CLIC5: variants seen among roughly 807,000 people sequenced by gnomAD.
CLIC5 encodes the protein CLIC family member 5.
In CLIC5, 20 loss-of-function variants were observed where a neutral mutation model predicts 24.7. The observed-to-expected ratio is 0.81, with a 90% CI of 0.57 to 1.18. CLIC5 has a LOEUF of 1.18. Ranked by LOEUF, CLIC5 falls within the 50% of genes most tolerant of loss-of-function variation. The pLI, the probability that CLIC5 is intolerant of heterozygous loss-of-function variation, is 0.00. For synonymous variants in CLIC5, 159 were observed against 135.6 expected (o/e 1.17, Z -1.20); for missense variants, 341 against 326.1 (o/e 1.05, Z -0.35).
At chr6:45,951,654 G>T (rs1434945400) in intron 2 of CLIC5, among the ~76,000 whole-genome samples, 1 of 152,200 alleles carries the variant, frequency 6.6e-6, no homozygotes, top group Non-Finnish European at 1.5e-5. Context: ...TAGGGAAGAG[G>T]AGGGAAAATG....
At chr6:46,072,797 GAGTACCC>G (rs1349788905) in intron 1 of CLIC5, among the ~76,000 whole-genome samples, 2 of 152,164 alleles carry the variant, frequency 1.3e-5, no homozygotes, top group Non-Finnish European at 2.9e-5. Context: ...CACAAGGTGT[GAGTACCC>G]AGGCAGGGAA....
intron 1 of CLIC5, among the ~76,000 whole-genome samples, chr6:46,026,114 A>T (rs149762370): frequency 2.6e-5 from 4 of 152,308 alleles, no homozygotes; most frequent in African/African-American, 9.6e-5. Flanking sequence ...TTTGAGCAAC[A>T]TAAGAAATTA....
intron 1 of CLIC5, among the ~76,000 whole-genome samples, chr6:46,069,151 T>C (rs1762519955): frequency 6.6e-6 from 1 of 152,104 alleles, no homozygotes; most frequent in African/African-American, 2.4e-5. Context: ...TGAATGTTTT[T>C]AAGACACAGG....
chr6:45,891,277 TA>T lies in CLIC5; in HGVS notation c.624-10090del, dbSNP rs994181867. 7.2e-5 allele frequency among the ~76,000 whole-genome samples: 11 copies of T among 152,348 alleles called. No homozygotes were observed. In the East Asian group the frequency reaches 2.1e-3, roughly 29 times the overall value. The stretch of plus-strand genomic sequence containing the variant: ...GAACATACAAAACACATTCTGCTTC[TA>T]TTTTTTATAAAATAAATAAGATGTA... On this transcript the variant is annotated intron_variant, in intron 6 of 6. Transcript: ENST00000644324.
At chr6:46,037,140 C>T (rs1251622936) in intron 1 of CLIC5, among the ~76,000 whole-genome samples, 2 of 152,138 alleles carry the variant, frequency 1.3e-5, no homozygotes, top group Non-Finnish European at 2.9e-5. Flanking sequence ...ATAAGAAGGA[C>T]ATCACTGTCA....
At chr6:46,084,582 A>T (rs1255125374), upstream of CLIC5, among the ~76,000 whole-genome samples, 1 of 152,270 alleles carries the variant, frequency 6.6e-6, no homozygotes, top group Admixed American at 6.5e-5. Context: ...TCTTTCCTTT[A>T]AGAATGTTGA....
At chr6:46,051,309 A>G (rs1581900982) in intron 1 of CLIC5, among the ~76,000 whole-genome samples, 1 of 152,162 alleles carries the variant, frequency 6.6e-6, no homozygotes, top group East Asian at 1.9e-4. Context: ...TTGCTAGCAC[A>G]ATTATCTCAG....
chr6:46,070,286 C>A (rs543540058), intron 1 of CLIC5, among the ~76,000 whole-genome samples: 31 of 152,134 alleles, frequency 2.0e-4, no homozygotes, highest in African/African-American at 7.5e-4. Flanking sequence ...TCAAACTATC[C>A]CTGTTTGTAG....
intron 1 of CLIC5, among the ~76,000 whole-genome samples, chr6:45,998,108 A>G (rs1258540620): frequency 6.6e-6 from 1 of 152,222 alleles, no homozygotes; most frequent in East Asian, 1.9e-4. Context: ...CTGGGGCTTC[A>G]CAGAATGGCT....
the CLIC5 span, chr6:46,102,650 C>A: frequency 6.5e-6 from 1 of 152,736 alleles, no homozygotes; most frequent in African/African-American, 2.4e-5. Context: ...TGCCAGCTGA[C>A]TCCAGCCATC....
chr6:45,978,382 T>G lies in CLIC5; in HGVS notation c.64-23138A>C, dbSNP rs964426813. Among the ~76,000 whole-genome samples the G allele has an allele frequency of 5.9e-5, 9 of 152,308 alleles. No individual in the cohort carries two copies. In the South Asian group the frequency reaches 1.9e-3, roughly 32 times the overall value. On this transcript the variant is annotated intron_variant, in intron 1 of 5. Transcript: ENST00000339561. ...TGATTCCTGAGCAGGAATCGTAAGC[T>G]TTCCAATAAAAATATATGTGGGGAT...
chr6:46,010,309 CA>C (rs971740845), intron 1 of CLIC5, among the ~76,000 whole-genome samples: 37 of 152,258 alleles, frequency 2.4e-4, no homozygotes, highest in African/African-American at 8.2e-4. Context: ...GATCCATACT[CA>C]GCTTGAAATG....
At chr6:46,114,597 T>C in the CLIC5 span, among the ~76,000 whole-genome samples, 1 of 152,188 alleles carries the variant, frequency 6.6e-6, no homozygotes, top group Non-Finnish European at 1.5e-5. Flanking sequence ...GTGTTTCAGG[T>C]GGTCTCTGGC....
chr6:46,008,099 T>C (rs1438248390), intron 1 of CLIC5, among the ~76,000 whole-genome samples: 1 of 152,078 alleles, frequency 6.6e-6, no homozygotes, highest in Non-Finnish European at 1.5e-5. Flanking sequence ...ATAACCCAAG[T>C]CAATCTCCTA....
At chr6:46,090,117 T>A in the CLIC5 span, among the ~76,000 whole-genome samples, 1 of 152,278 alleles carries the variant, frequency 6.6e-6, no homozygotes, top group African/African-American at 2.4e-5. Flanking sequence ...TATAAAAAAG[T>A]AGGTCTGTAG....
intron 4 of CLIC5, among the ~76,000 whole-genome samples, chr6:45,917,162 T>A (rs925805872): frequency 2.0e-5 from 3 of 152,212 alleles, no homozygotes; most frequent in Non-Finnish European, 4.4e-5. Flanking sequence ...TCGTTGATCC[T>A]GGCACTTACA....
At chr6:45,892,221 C>T (rs1320830945) in intron 6 of CLIC5, 2 of 152,066 alleles carry the variant, frequency 1.3e-5, no homozygotes, top group African/African-American at 2.4e-5. Flanking sequence ...TGTTGTGGGC[C>T]TCATACTATA....
chr6:45,929,026 G>A (rs1241316951), intron 4 of CLIC5, among the ~76,000 whole-genome samples: 1 of 152,090 alleles, frequency 6.6e-6, no homozygotes, highest in Non-Finnish European at 1.5e-5. Flanking sequence ...CACATGGAAT[G>A]GTGTTGGTGG....
At position 45,968,939 on chromosome 6, in the gene CLIC5, C is replaced by T. The variant is rs140914538; in HGVS notation, c.64-13695G>A. Among the ~76,000 whole-genome samples, 483 of 152,194 alleles carry T rather than the reference C, an allele frequency of 3.2e-3. 2 individuals carry two copies. Among genetic ancestry groups the T allele is most frequent in the African/African-American group, 0.01 (432 of 41,506 alleles). ...AGTTTTGGCACAAAGAGTTGTGTGA[C>T]CTAGGGCAAGTAATTTTCCCTCTCT... On this transcript the variant is annotated intron_variant, in intron 1 of 5. Transcript: ENST00000339561.
Sources: allele counts gnomAD v4.1 joint callset (sites outside exome capture counted in the v4.1 genomes callset), GRCh38; gene constraint gnomAD v4.1.1; transcripts MANE v1.5; gene names NCBI Gene and HGNC (gene_info 2026-07-23, HGNC 2026-07-21).